The following ABCC1 variants were observed in gnomAD, a reference collection of about 807,000 sequenced individuals.
The protein encoded by ABCC1 is multidrug resistance-associated protein 1.
Under a neutral mutation model 172.9 loss-of-function variants are expected in ABCC1, and 83 were observed. The observed-to-expected ratio is 0.48, with a 90% CI of 0.40 to 0.58. The LOEUF (loss-of-function observed/expected upper bound fraction) is 0.58. Ranked by LOEUF, ABCC1 falls within the 20% of genes least tolerant of loss-of-function variation. The pLI, the probability that ABCC1 is intolerant of heterozygous loss-of-function variation, is 0.00. For synonymous variants in ABCC1, 937 were observed against 825.2 expected, an observed-to-expected ratio of 1.14 and a Z score of -2.32; for missense variants, 1,817 against 2,002.7, an observed-to-expected ratio of 0.91 and a Z score of 1.77.
chr16:16,037,697 C>T (rs1429017701), intron 7 of ABCC1, among the ~76,000 whole-genome samples: 1 of 152,088 alleles, frequency 6.6e-6, no homozygotes, highest in African/African-American at 2.4e-5. Flanking sequence ...CCCCACAGAC[C>T]CATTGGCCTT....
intron 30 of ABCC1, 107 bp from the exon 31 acceptor site, chr16:16,141,066 T>C (rs2046108397): frequency 2.3e-6 from 2 of 870,132 alleles, no homozygotes. Flanking sequence ...TAGCAAAAAG[T>C]GTTAGGGGCC....
Position 16,115,073 on chromosome 16 carries a change from C to G in ABCC1, c.3387C>G (p.Val1129=), listed in dbSNP as rs370390471. 1.3e-5 allele frequency: 21 copies of G among 1,613,404 alleles called. No individual in the cohort carries two copies. The African/African-American group carries it at 2.7e-4, about 21-fold the overall frequency. The change falls in exon 23 of 31, where the codon GTC becomes GTG. Residue 1129 remains valine (V), a synonymous_variant. Transcript: ENST00000399410. ...CCCTTGGCCTCATCTACTTCTTCGT[C>G]CAGGTAAGGGGTGAGGTCTTAGTGT... ...IPPLGLIYFF[V]QRFYVASSRQ...
At chr16:16,135,994 C>G (rs976980536) in intron 28 of ABCC1, among the ~76,000 whole-genome samples, 1 of 148,978 alleles carries the variant, frequency 6.7e-6, no homozygotes, top group African/African-American at 2.5e-5. Flanking sequence ...TGTATTCTGC[C>G]AAACTCAGAC....
rs79975755 is a variant in ABCC1, at chr16:16,011,927, C to G, written c.351+2026C>G. 6.7e-3 allele frequency among the ~76,000 whole-genome samples: 1,022 copies of G among 152,142 alleles called. 14 individuals carry two copies. The highest frequency in any genetic ancestry group is 0.023 in the African/African-American group (968 of 41,514). On this transcript the variant is annotated intron_variant, in intron 3 of 30. Transcript: ENST00000399410. The stretch of plus-strand genomic sequence containing the variant: ...CAGGTGATCCACCCACCTAGGCCCC[C>G]CAAAGTGCTGGGATTACAGGCATGA...
chr16:16,067,705 A>G (rs2050164417), intron 12 of ABCC1, among the ~76,000 whole-genome samples: 1 of 152,206 alleles, frequency 6.6e-6, no homozygotes, highest in African/African-American at 2.4e-5. Flanking sequence ...CCCTGAAAAT[A>G]CATGGGCCGA....
intron 1 of ABCC1, among the ~76,000 whole-genome samples, chr16:15,952,084 C>G (rs2045887070): frequency 6.6e-6 from 1 of 152,192 alleles, no homozygotes; most frequent in Non-Finnish European, 1.5e-5. Context: ...AGCCACTTTC[C>G]CTCTGTGTGC....
At chr16:16,033,388 A>C (rs1204741505) in intron 6 of ABCC1, among the ~76,000 whole-genome samples, 2 of 152,204 alleles carry the variant, frequency 1.3e-5, no homozygotes, top group Non-Finnish European at 2.9e-5. Flanking sequence ...GTGAGCCGTG[A>C]GCAGCTGACA....
intron 5 of ABCC1, among the ~76,000 whole-genome samples, chr16:16,019,907 G>A (rs28723466): frequency 1.6e-4 from 24 of 152,210 alleles, no homozygotes; most frequent in African/African-American, 5.5e-4. Flanking sequence ...GTCACTGCTG[G>A]TCTTCCAAGA....
rs1247101816 is a variant in ABCC1 at position 16,142,622 on chromosome 16, G to C, written c.*1341G>C. 8.6e-5 allele frequency: 13 copies of C among 150,456 alleles called. No individual in the cohort carries two copies. 9.3% of individuals were successfully genotyped at this position (150,456 alleles called of 1,614,324 possible). A position where few individuals can be genotyped will look rare whatever the true frequency, so the allele number is the denominator to read the frequency against. On this transcript the variant is annotated 3_prime_UTR_variant, in exon 31 of 31. Transcript: ENST00000399410. ...CAATGATTTTTTTTTTTTAAGTACT[G>C]TTCCGGGGAGAAAAACAGTCTCAAA...
At chr16:16,004,940 C>T (rs7198319) in intron 1 of ABCC1, among the ~76,000 whole-genome samples, 75,506 of 151,828 alleles carry the variant, frequency 0.5, 19,653 homozygotes, top group Non-Finnish European at 0.59. Flanking sequence ...GCTGGGATTA[C>T]AGGCATGAGC....
chr16:16,068,215 C>T lies in ABCC1; in HGVS notation c.1737C>T (p.Ala579=). 1 of 1,614,162 alleles carries T rather than the reference C, an allele frequency of 6.2e-7. No homozygotes were observed. The highest frequency in any genetic ancestry group is 8.5e-7 in the Non-Finnish European group (1 of 1,180,026). ...VTIDENNILD[A]QTAFVSLALF... ...TTGACGAGAACAACATCCTGGATGCCCAGACAGCCTTCGTGTCTTTGGCCT... is the reference window on the plus strand; with the variant it reads ...TTGACGAGAACAACATCCTGGATGCTCAGACAGCCTTCGTGTCTTTGGCCT... Residue 579 remains alanine, a synonymous_variant, in exon 13 of 31, where the codon GCC becomes GCT. Coordinates refer to ENST00000399410, the MANE Select transcript of ABCC1 (RefSeq NM_004996.4).
At chr16:15,976,966 C>G (rs773227783) in intron 1 of ABCC1, among the ~76,000 whole-genome samples, 2 of 152,186 alleles carry the variant, frequency 1.3e-5, no homozygotes, top group African/African-American at 4.8e-5. Context: ...GTCATGGTCA[C>G]TCCTTTCAAC....
intron 2 of ABCC1, among the ~76,000 whole-genome samples, chr16:16,009,228 G>A (rs998234882): frequency 2.0e-5 from 3 of 152,084 alleles, no homozygotes; most frequent in African/African-American, 7.2e-5. Context: ...CAAAGTGCTG[G>A]TATTACAGGC....
chr16:15,958,491 C>G (rs998657638), intron 1 of ABCC1, among the ~76,000 whole-genome samples: 6 of 152,308 alleles, frequency 3.9e-5, no homozygotes, highest in African/African-American at 1.4e-4. Flanking sequence ...CTGTTGGTAT[C>G]TGAGTTGGCA....
intron 1 of ABCC1, among the ~76,000 whole-genome samples, chr16:15,961,259 G>T (rs763358375): frequency 9.2e-5 from 14 of 152,102 alleles, no homozygotes. Flanking sequence ...CCACTCCCCA[G>T]TTGCCTTTGA....
intron 27 of ABCC1, among the ~76,000 whole-genome samples, chr16:16,134,039 G>C (rs2045812724): frequency 6.6e-6 from 1 of 152,162 alleles, no homozygotes; most frequent in African/African-American, 2.4e-5. Context: ...ATAGTTTCTT[G>C]AGTCTAAACA....
chr16:16,115,028 C>T lies in ABCC1; in HGVS notation c.3342C>T (p.Ile1114=), dbSNP rs373424724. The T allele has an allele frequency of 2.0e-5, 33 of 1,614,202 alleles. No individual in the cohort carries two copies. The highest frequency in any genetic ancestry group is 1.6e-4 in the Middle Eastern group (1 of 6,062). The change falls in exon 23 of 31, where the codon ATC becomes ATT. Residue 1114 remains isoleucine (I), a synonymous_variant. Coordinates refer to ENST00000399410, the MANE Select transcript of ABCC1 (RefSeq NM_004996.4). ...ACIVILLATP[I]AAIIIPPLGL... is the part of the protein sequence containing the mutation. ...TCGTTATCCTGCTGGCCACGCCCAT[C>T]GCCGCCATCATCATCCCGCCCCTTG...
intron 1 of ABCC1, among the ~76,000 whole-genome samples, chr16:15,963,495 C>A (rs8064014): frequency 1.6e-4 from 24 of 152,206 alleles, no homozygotes; most frequent in African/African-American, 5.8e-4. Flanking sequence ...AAAGGCTCCA[C>A]CCCTGCAGCA....
intron 13 of ABCC1, among the ~76,000 whole-genome samples, chr16:16,069,211 A>C (rs35609): frequency 7.8e-6 from 1 of 127,492 alleles, no homozygotes; most frequent in African/African-American, 3.1e-5. Flanking sequence ...TAAATAAATA[A>C]ATATGTTTGA....
Sources: allele counts gnomAD v4.1 joint callset (sites outside exome capture counted in the v4.1 genomes callset), GRCh38; gene constraint gnomAD v4.1.1; transcripts MANE v1.5; gene names NCBI Gene and HGNC (gene_info 2026-07-23, HGNC 2026-07-21).